CP: variants seen among roughly 807,000 people sequenced by gnomAD.
CP encodes caeruloplasmin.
In CP, 64 loss-of-function variants were observed where a neutral mutation model predicts 122.4. The ratio of observed to expected loss-of-function variants is 0.52; its 90% CI spans 0.43 to 0.64. The LOEUF (loss-of-function observed/expected upper bound fraction) is 0.64, where lower values mean the gene tolerates loss of function less well. CP is among the 30% of genes least tolerant of loss of function. The pLI is 0.00. For missense variants in CP, 1,167 were observed against 1,284.4 expected (o/e 0.91, Z 1.40); for synonymous variants, 440 against 436.4 (o/e 1.01, Z -0.10).
At chr3:149,201,157 T>A (rs34042451) in intron 7 of CP, among the ~76,000 whole-genome samples, 7,951 of 152,248 alleles carry the variant, frequency 0.052, 229 homozygotes, top group African/African-American at 0.075. Flanking sequence ...GGAGTCTCGC[T>A]CTGTCACCCA....
chr3:149,210,378 C>A lies in CP; in HGVS notation c.396G>T (p.Gly132=). The A allele has an allele frequency of 6.2e-7, 1 of 1,613,632 alleles. No individual in the cohort carries two copies. Among genetic ancestry groups the A allele is most frequent in the Non-Finnish European group, 8.5e-7 (1 of 1,179,724 alleles). ...HGITYYKEHE[G]AIYPDNTTDF... ...CTGTGGTGTTATCAGGGTAGATGGC[C>A]CCTAGGAAGCAACATGCAATGAAGG... The change falls in exon 3 of 19, where the codon GGG becomes GGT. Residue 132 remains glycine (G), a splice_region_variant and synonymous_variant. Transcript: ENST00000264613.
Position 149,179,646 on chromosome 3 carries a change from G to GT in CP, c.2570dup (p.Tyr857Ter). 1.9e-6 allele frequency: 3 copies of GT among 1,603,560 alleles called. No homozygotes were observed. The highest frequency in any genetic ancestry group is 2.6e-6 in the Non-Finnish European group (3 of 1,173,506). ...TPTLPGETLT[Y>*]VWKIPERSGA... ...CAGATCTTTCTGGGATTTTCCATACGTAAGTGAGAGTTTCACCTAAATTCA... is the reference window on the plus strand; with the variant it reads ...CAGATCTTTCTGGGATTTTCCATACGTTAAGTGAGAGTTTCACCTAAATTCA... Residue 857 changes from tyrosine to a stop codon, truncating the protein, a stop_gained and frameshift_variant, in exon 15 of 19, where the codon TAC becomes TAAC. Transcript: ENST00000264613. LOFTEE classifies it high-confidence loss of function.
At chr3:149,165,857 A>G in intron 5 of CP, 2 of 375,092 alleles carry the variant, frequency 5.3e-6, no homozygotes, top group Non-Finnish European at 1.1e-5. Flanking sequence ...GTGAGAGATT[A>G]TCAACCTTAT....
At chr3:149,174,543 CAAA>C (rs1425063318) in intron 18 of CP, among the ~76,000 whole-genome samples, 1 of 152,062 alleles carries the variant, frequency 6.6e-6, no homozygotes. Context: ...GAAATTATGT[CAAA>C]AAAGTTTCAA....
In CP at chr3:149,193,129, G is replaced by A. The variant is rs1726655168; in HGVS notation, c.1714-4927C>T. On this transcript the variant is annotated intron_variant, in intron 9 of 18. Coordinates refer to ENST00000264613, the MANE Select transcript of CP (RefSeq NM_000096.4). ...AAAATTCTAGTCGCTAGTTACAACC[G>A]ACTAAATGGGTCATGATCTACAGTT... Among the ~76,000 whole-genome samples the A allele has an allele frequency of 1.3e-5, 2 of 152,030 alleles. 1 individual carries two copies. Among genetic ancestry groups the A allele is most frequent in the South Asian group, 4.1e-4 (2 of 4,828 alleles).
intron 1 of CP, among the ~76,000 whole-genome samples, chr3:149,216,959 G>A (rs895865494): frequency 4.0e-5 from 6 of 148,300 alleles, no homozygotes; most frequent in Admixed American, 2.7e-4. Flanking sequence ...ATAATGTAAC[G>A]GCGTGATCTC....
At chr3:149,204,349 G>A (rs1050408051) in intron 6 of CP, among the ~76,000 whole-genome samples, 1 of 152,246 alleles carries the variant, frequency 6.6e-6, no homozygotes, top group Non-Finnish European at 1.5e-5. Flanking sequence ...GAGAGGCAGA[G>A]ATGAGTTCAT....
intron 9 of CP, among the ~76,000 whole-genome samples, chr3:149,193,004 ACG>A (rs764109284): frequency 6.6e-6 from 1 of 150,594 alleles, no homozygotes; most frequent in Non-Finnish European, 1.5e-5. Flanking sequence ...ACACACACAC[ACG>A]CATACACTCC....
chr3:149,168,141 G>C (rs946831457), downstream of CP: 32 of 618,104 alleles, frequency 5.2e-5, no homozygotes, highest in Non-Finnish European at 9.4e-5. Flanking sequence ...CCCTCCCCTT[G>C]ACATTTGATA....
intron 5 of CP, 37 bp downstream of exon 5, chr3:149,207,326 T>A (rs749113194): frequency 6.2e-7 from 1 of 1,613,644 alleles, no homozygotes; most frequent in South Asian, 1.1e-5. Flanking sequence ...AACCACCTTT[T>A]TCAGCTGACT....
At chr3:149,204,578 T>G (rs962724058) in intron 6 of CP, among the ~76,000 whole-genome samples, 2 of 152,200 alleles carry the variant, frequency 1.3e-5, no homozygotes, top group Non-Finnish European at 1.5e-5. Context: ...GCATGGGACT[T>G]AAATCTCTGC....
chr3:149,181,979 A>ACT, intron 14 of CP, 26 bp downstream of exon 14: 3 of 515,796 alleles, frequency 5.8e-6, no homozygotes, highest in Non-Finnish European at 1.1e-5. Flanking sequence ...AAAATGCACC[A>ACT]CCCCCACCCC....
At chr3:149,182,221 C>T (rs959291009) in intron 13 of CP, 88 bp from the exon 14 acceptor site, 1 of 1,484,900 alleles carries the variant, frequency 6.7e-7, no homozygotes, top group Non-Finnish European at 9.3e-7. Context: ...TTGTTTCTCT[C>T]CCCCATGGGT....
At chr3:149,192,408 C>T (rs576402540) in intron 9 of CP, among the ~76,000 whole-genome samples, 7 of 151,622 alleles carry the variant, frequency 4.6e-5, no homozygotes, top group African/African-American at 1.4e-4. Context: ...TTACAAGTAG[C>T]ATTTTTAAGA....
chr3:149,212,609 G>A lies in CP; in HGVS notation c.236C>T (p.Thr79Ile), dbSNP rs192728234. Residue 79 changes from threonine to isoleucine, a missense_variant, in exon 2 of 19, where the codon ACC becomes ATC. Physicochemically the swap from Thr to Ile is moderately conservative, Grantham distance 89. Around this residue, in one of 2 missense-constraint regions of CP, gnomAD observed 642 missense variants for 627.3 expected, o/e 1.02. Transcript: ENST00000264613. ...CGGTTTTTCTATAGTTGTCCTAAAGGTTTCATCTGTGTACTGAAGATAAAG... is the reference window on the plus strand; with the variant it reads ...CGGTTTTTCTATAGTTGTCCTAAAGATTTCATCTGTGTACTGAAGATAAAG... The part of the protein sequence containing the change: ...KALYLQYTDE[T>I]FRTTIEKPVW... The A allele has an allele frequency of 3.7e-6, 6 of 1,613,970 alleles. No individual in the cohort carries two copies. The Admixed American group carries it at 5.0e-5, about 13-fold the overall frequency.
intron 9 of CP, among the ~76,000 whole-genome samples, chr3:149,193,592 A>G (rs1307947599): frequency 6.6e-6 from 1 of 152,200 alleles, no homozygotes; most frequent in Admixed American, 6.5e-5. Flanking sequence ...AAATATTTTC[A>G]TATTAAAATG....
intron 2 of CP, among the ~76,000 whole-genome samples, chr3:149,210,644 C>T (rs1428815935): frequency 2.0e-5 from 3 of 152,188 alleles, no homozygotes; most frequent in East Asian, 1.9e-4. Context: ...GTAAAGAACT[C>T]GGGTCATGGT....
intron 7 of CP, 152 bp from the exon 8 acceptor site, chr3:149,200,016 C>T (rs944466953): frequency 2.6e-6 from 2 of 756,256 alleles, no homozygotes; most frequent in African/African-American, 1.7e-5. Context: ...TTTGAGAAGT[C>T]CATAATCAAT....
chr3:149,202,667 G>A (rs1365349865), intron 6 of CP, among the ~76,000 whole-genome samples: 1 of 145,942 alleles, frequency 6.9e-6, no homozygotes, highest in Non-Finnish European at 1.5e-5. Context: ...GGAGTGCAGT[G>A]GCACATATCA....
Sources: gnomAD v4.1 joint callset for allele counts (sites outside exome capture counted in the v4.1 genomes callset) on GRCh38, gnomAD v4.1.1 for gene constraint, gnomAD v4.1.1 regional missense constraint, MANE v1.5 for transcripts, NCBI Gene and HGNC (gene_info 2026-07-23, HGNC 2026-07-21) for gene names.